The following CBLB variants were observed in gnomAD, a reference collection of about 807,000 sequenced individuals.
CBLB encodes the protein E3 ubiquitin-protein ligase CBL-B.
CBLB carries 31 observed loss-of-function variants against 104.9 expected under a neutral mutation model. The ratio of observed to expected loss-of-function variants is 0.30; its 90% CI spans 0.22 to 0.40. The LOEUF (loss-of-function observed/expected upper bound fraction) is 0.40, where lower values mean the gene tolerates loss of function less well. Among genes scored for constraint, CBLB ranks in the 10% least tolerant of loss-of-function variants. The pLI is 1.00. For synonymous variants in CBLB, 440 were observed against 422.6 expected, an observed-to-expected ratio of 1.04 and a Z score of -0.51; for missense variants, 1,062 against 1,214.6, an observed-to-expected ratio of 0.87 and a Z score of 1.87.
chr3:105,820,777 T>C (rs1321636139), intron 3 of CBLB, among the ~76,000 whole-genome samples: 1 of 152,172 alleles, frequency 6.6e-6, no homozygotes. Flanking sequence ...AACTAGACTG[T>C]GTACTACTTC....
intron 2 of CBLB, among the ~76,000 whole-genome samples, chr3:105,858,504 C>T (rs1332968945): frequency 6.6e-6 from 1 of 152,174 alleles, no homozygotes; most frequent in Non-Finnish European, 1.5e-5. Flanking sequence ...TAGAATGAAG[C>T]TTGGTACTAA....
Position 105,782,222 on chromosome 3 carries a change from A to C in CBLB, c.420-5680T>G, listed in dbSNP as rs555868864. On this transcript the variant is annotated intron_variant, in intron 3 of 18. Transcript: ENST00000394030. The stretch of plus-strand genomic sequence containing the variant: ...ATGCTTTAAAGTTTTAAATGTGTCT[A>C]AGGAGAGTACACAACAGACATTAAA... Among the ~76,000 whole-genome samples the C allele has an allele frequency of 2.0e-5, 3 of 152,308 alleles. No homozygotes were observed. The East Asian group carries it at 5.8e-4, about 29-fold the overall frequency.
intron 17 of CBLB, chr3:105,673,586 C>A (rs540527536): frequency 6.6e-6 from 1 of 152,152 alleles, no homozygotes; most frequent in Non-Finnish European, 1.5e-5. Flanking sequence ...TTTGAAGAGC[C>A]ATTTAGGTGA....
chr3:105,857,368 T>C (rs1487417601), intron 2 of CBLB, among the ~76,000 whole-genome samples: 1 of 152,206 alleles, frequency 6.6e-6, no homozygotes, highest in African/African-American at 2.4e-5. Flanking sequence ...AAATTATAGA[T>C]GACTAGAACA....
chr3:105,850,774 T>A (rs1292871607), intron 3 of CBLB, among the ~76,000 whole-genome samples: 1 of 152,178 alleles, frequency 6.6e-6, no homozygotes, highest in Non-Finnish European at 1.5e-5. Context: ...AATACACAGA[T>A]GGAAGTTACA....
intron 14 of CBLB, among the ~76,000 whole-genome samples, chr3:105,683,938 A>C (rs1214839528): frequency 6.6e-6 from 1 of 152,274 alleles, no homozygotes; most frequent in African/African-American, 2.4e-5. Context: ...ATTAAGACAG[A>C]CATCTGCTTA....
chr3:105,802,517 A>G (rs2083008403), intron 3 of CBLB, among the ~76,000 whole-genome samples: 1 of 152,186 alleles, frequency 6.6e-6, no homozygotes, highest in Non-Finnish European at 1.5e-5. Context: ...CCATACACTA[A>G]TGTTCACACC....
rs754950498 is a variant in CBLB, at chr3:105,659,128, T to C, written c.2791A>G (p.Asn931Asp). Residue 931 changes from asparagine (N) to aspartate (D), a missense_variant, in exon 19 of 19, where the codon AAT (asparagine) becomes GAT (aspartate). Asn to Asp is a conservative substitution (Grantham distance 23, BLOSUM62 1). Around this residue, in one of 2 missense-constraint regions of CBLB, gnomAD observed 605 missense variants for 582.6 expected, o/e 1.04. Transcript: ENST00000394030. ...AGTTTTGCAATTTTTGCATCGACAT[T>C]TTCCAATGCCGCCTCAGGCCCATGG... ...KPHGPEAALE[N>D]VDAKIAKLMG... The C allele has an allele frequency of 6.2e-7, 1 of 1,614,036 alleles. No homozygotes were observed.
chr3:105,864,659 A>C (rs550721770), intron 2 of CBLB, among the ~76,000 whole-genome samples: 2 of 152,312 alleles, frequency 1.3e-5, no homozygotes, highest in South Asian at 4.1e-4. Flanking sequence ...TCTACATCTT[A>C]TAAGGAACAC....
rs1305417586 is a variant in CBLB at position 105,797,729 on chromosome 3, G to A, written c.420-21187C>T. Among the ~76,000 whole-genome samples the A allele has an allele frequency of 3.9e-5, 6 of 152,194 alleles. No individual in the cohort carries two copies. In the South Asian group the frequency reaches 6.2e-4, roughly 16 times the overall value. ...TCTGATGGCATGTACAACAATGTAG[G>A]TAACATTAGACTTGATTTAAGTTTG... On this transcript the variant is annotated intron_variant, in intron 3 of 18. Transcript: ENST00000394030.
chr3:105,701,042 G>A (rs894270552), intron 12 of CBLB, among the ~76,000 whole-genome samples: 10 of 152,146 alleles, frequency 6.6e-5, no homozygotes, highest in Non-Finnish European at 1.3e-4. Flanking sequence ...ATCAGCAGAG[G>A]GAAGATGGCA....
intron 3 of CBLB, among the ~76,000 whole-genome samples, chr3:105,810,164 T>C (rs920002939): frequency 2.0e-5 from 3 of 152,172 alleles, no homozygotes; most frequent in Non-Finnish European, 1.5e-5. Flanking sequence ...TTTATACCTG[T>C]TTAAAAATCA....
intron 12 of CBLB, among the ~76,000 whole-genome samples, chr3:105,701,250 G>C (rs929373066): frequency 2.0e-5 from 3 of 152,192 alleles, no homozygotes; most frequent in Non-Finnish European, 4.4e-5. Flanking sequence ...GTCAACAAGG[G>C]TGAGAATCTC....
At chr3:105,691,081 A>G (rs1028036292) in intron 13 of CBLB, among the ~76,000 whole-genome samples, 1 of 152,256 alleles carries the variant, frequency 6.6e-6, no homozygotes, top group African/African-American at 2.4e-5. Context: ...ATTGATATTT[A>G]GCATATGCAT....
At chr3:105,859,556 G>A (rs2091919726) in intron 2 of CBLB, among the ~76,000 whole-genome samples, 1 of 151,694 alleles carries the variant, frequency 6.6e-6, no homozygotes, top group Non-Finnish European at 1.5e-5. Flanking sequence ...TTGGGAGGCT[G>A]AGGCAGGAGA....
rs2063422130 is a variant in CBLB at position 105,657,437 on chromosome 3, A to G, written c.*1533T>C. 4.7e-6 allele frequency: 1 copy of G among 212,110 alleles called. No individual in the cohort carries two copies. The allele number at this position is 212,110 out of a possible 1,614,324, so 13.1% of individuals were successfully genotyped here. A position where few individuals can be genotyped will look rare whatever the true frequency, so the allele number is the denominator to read the frequency against. ...AGAGATGATTTTATCTCATTTCTCC[A>G]TTAATTTCCCATTTGAAATGAAAAC... is the stretch of plus-strand genomic sequence containing the variant. On this transcript the variant is annotated 3_prime_UTR_variant, in exon 19 of 19. Coordinates refer to ENST00000394030, the MANE Select transcript of CBLB (RefSeq NM_170662.5).
At chr3:105,828,035 G>A (rs2086853409) in intron 3 of CBLB, among the ~76,000 whole-genome samples, 1 of 152,172 alleles carries the variant, frequency 6.6e-6, no homozygotes, top group Admixed American at 6.5e-5. Context: ...CCTAAGCAAA[G>A]CAGCTCTAGT....
At chr3:105,722,198 C>CAAAAA (rs5851468) in intron 9 of CBLB, among the ~76,000 whole-genome samples, 38 of 84,354 alleles carry the variant, frequency 4.5e-4, no homozygotes, top group African/African-American at 7.6e-4. Context: ...GACCCCGTGC[C>CAAAAA]AAAAAAAAAA....
intron 3 of CBLB, among the ~76,000 whole-genome samples, chr3:105,789,353 G>T (rs141050633): frequency 7.9e-4 from 120 of 152,100 alleles, no homozygotes; most frequent in Non-Finnish European, 1.5e-3. Context: ...GTTAAACAAA[G>T]TAGTTTTTAC....
Sources: gnomAD v4.1 joint callset for allele counts (sites outside exome capture counted in the v4.1 genomes callset) on GRCh38, gnomAD v4.1.1 for gene constraint, gnomAD v4.1.1 regional missense constraint, MANE v1.5 for transcripts, NCBI Gene and HGNC (gene_info 2026-07-23, HGNC 2026-07-21) for gene names.